The following PDE3A variants were observed in gnomAD, a reference collection of about 807,000 sequenced individuals.
PDE3A encodes phosphodiesterase 3A.
A neutral mutation model predicts 98.3 loss-of-function variants in PDE3A; 43 were observed. That is an observed-to-expected ratio of 0.44 (90% CI 0.34 to 0.56). The LOEUF (loss-of-function observed/expected upper bound fraction) is 0.56. PDE3A is among the 20% of genes least tolerant of loss of function. The pLI is 0.01. For missense variants in PDE3A, 1,427 were observed against 1,440.7 expected, an observed-to-expected ratio of 0.99 and a Z score of 0.15; for synonymous variants, 663 against 567.9, an observed-to-expected ratio of 1.17 and a Z score of -2.38.
intron 1 of PDE3A, among the ~76,000 whole-genome samples, chr12:20,545,464 G>A (rs193072907): frequency 1.3e-5 from 2 of 152,002 alleles, no homozygotes; most frequent in Non-Finnish European, 2.9e-5. Context: ...TCAATCAAGT[G>A]GATGGAATTT....
intron 1 of PDE3A, among the ~76,000 whole-genome samples, chr12:20,505,740 T>C (rs1327837197): frequency 6.6e-6 from 1 of 152,126 alleles, no homozygotes; most frequent in Non-Finnish European, 1.5e-5. Flanking sequence ...GAAACTTTAA[T>C]ACCTAAATAA....
chr12:20,452,968 G>T (rs1053405881), intron 1 of PDE3A, among the ~76,000 whole-genome samples: 2 of 152,162 alleles, frequency 1.3e-5, no homozygotes, highest in Non-Finnish European at 2.9e-5. Context: ...CTTCCTCAAT[G>T]CTGTCTTGAT....
At chr12:20,608,129 C>T (rs1328668245) in intron 2 of PDE3A, among the ~76,000 whole-genome samples, 2 of 152,162 alleles carry the variant, frequency 1.3e-5, no homozygotes, top group Non-Finnish European at 2.9e-5. Flanking sequence ...AGCTTACCTG[C>T]TATTTATTGA....
chr12:20,572,150 G>A (rs1008691650), intron 2 of PDE3A: 19 of 1,275,492 alleles, frequency 1.5e-5, no homozygotes, highest in East Asian at 5.7e-5. Context: ...TTTCCAAATC[G>A]TGGAGCTTCT....
intron 1 of PDE3A, among the ~76,000 whole-genome samples, chr12:20,527,544 T>C (rs1471030472): frequency 6.6e-6 from 1 of 152,168 alleles, no homozygotes; most frequent in East Asian, 1.9e-4. Flanking sequence ...CTACATTTCT[T>C]GGCATCTTTC....
At chr12:20,673,649 A>C (rs1042898677) in intron 15 of PDE3A, among the ~76,000 whole-genome samples, 3 of 147,496 alleles carry the variant, frequency 2.0e-5, no homozygotes, top group Non-Finnish European at 4.5e-5. Flanking sequence ...GAATTGAACA[A>C]TGAGAACACA....
chr12:20,489,247 A>G (rs1385021577), intron 1 of PDE3A, among the ~76,000 whole-genome samples: 1 of 152,186 alleles, frequency 6.6e-6, no homozygotes, highest in Admixed American at 6.5e-5. Context: ...GAATGGATGC[A>G]TTCATTTTGT....
intron 1 of PDE3A, among the ~76,000 whole-genome samples, chr12:20,428,789 C>T: frequency 6.6e-6 from 1 of 151,910 alleles, no homozygotes; most frequent in Non-Finnish European, 1.5e-5. Context: ...AGAAGTAGGT[C>T]AAAAAAGGAC....
At chr12:20,554,545 T>C (rs988339357) in intron 1 of PDE3A, among the ~76,000 whole-genome samples, 14 of 151,852 alleles carry the variant, frequency 9.2e-5, no homozygotes, top group African/African-American at 3.4e-4. Context: ...TAGGCTTTAA[T>C]TATTTTTTAC....
Position 20,538,007 on chromosome 12 carries a change from G to T in PDE3A, c.961-18653G>T, listed in dbSNP as rs547647240. On this transcript the variant is annotated intron_variant, in intron 1 of 15. Transcript: ENST00000359062. ...GTTATATACATGGTATGAACCAAAC[G>T]CATAATAGAAATTGGGTCTTCTCTA... 2.0e-5 allele frequency among the ~76,000 whole-genome samples: 3 copies of T among 152,170 alleles called. No individual in the cohort carries two copies. The South Asian group carries it at 6.2e-4, about 32-fold the overall frequency.
At chr12:20,450,438 T>G (rs1449293899) in intron 1 of PDE3A, among the ~76,000 whole-genome samples, 2 of 152,198 alleles carry the variant, frequency 1.3e-5, no homozygotes, top group African/African-American at 4.8e-5. Context: ...AAAAATAAAT[T>G]TTCACATATT....
chr12:20,495,752 G>A (rs1311585174), intron 1 of PDE3A, among the ~76,000 whole-genome samples: 1 of 152,088 alleles, frequency 6.6e-6, no homozygotes, highest in Non-Finnish European at 1.5e-5. Flanking sequence ...CCAAATGGTA[G>A]GAATACTTTT....
At chr12:20,596,631 A>G (rs938769000) in intron 2 of PDE3A, among the ~76,000 whole-genome samples, 20 of 152,188 alleles carry the variant, frequency 1.3e-4, no homozygotes, top group Non-Finnish European at 2.9e-4. Flanking sequence ...GGGGCAAACC[A>G]TATGAACGAT....
intron 6 of PDE3A, among the ~76,000 whole-genome samples, chr12:20,630,921 A>G (rs1371593393): frequency 6.6e-6 from 1 of 152,162 alleles, no homozygotes; most frequent in African/African-American, 2.4e-5. Flanking sequence ...GAGGATAACT[A>G]TTTGAATAAA....
At chr12:20,406,282 G>C (rs1021985101) in intron 1 of PDE3A, among the ~76,000 whole-genome samples, 1 of 152,104 alleles carries the variant, frequency 6.6e-6, no homozygotes, top group Non-Finnish European at 1.5e-5. Flanking sequence ...GGGCAGTTCT[G>C]TTTTTAAGTT....
intron 1 of PDE3A, among the ~76,000 whole-genome samples, chr12:20,483,214 C>T (rs1945663977): frequency 2.0e-5 from 3 of 152,076 alleles, no homozygotes; most frequent in Non-Finnish European, 4.4e-5. Context: ...AATGTTGAAG[C>T]CCCGTCTCTA....
At chr12:20,388,010 C>G (rs966054492) in intron 1 of PDE3A, among the ~76,000 whole-genome samples, 11 of 151,922 alleles carry the variant, frequency 7.2e-5, no homozygotes, top group African/African-American at 2.7e-4. Flanking sequence ...TGTAAGTTTT[C>G]AACCCTCCAC....
chr12:20,542,030 G>C (rs1159344024), intron 1 of PDE3A, among the ~76,000 whole-genome samples: 1 of 152,000 alleles, frequency 6.6e-6, no homozygotes, highest in Non-Finnish European at 1.5e-5. Context: ...CGCGTAATGG[G>C]GCTAGTATAT....
intron 1 of PDE3A, among the ~76,000 whole-genome samples, chr12:20,487,306 A>C (rs1945746096): frequency 6.6e-6 from 1 of 152,200 alleles, no homozygotes; most frequent in African/African-American, 2.4e-5. Context: ...CAACTGATTC[A>C]AATGAGAAGT....
Sources: allele counts gnomAD v4.1 joint callset (sites outside exome capture counted in the v4.1 genomes callset), GRCh38; gene constraint gnomAD v4.1.1; transcripts MANE v1.5; gene names NCBI Gene and HGNC (gene_info 2026-07-23, HGNC 2026-07-21).